TNR: variants seen among roughly 807,000 people sequenced by gnomAD.
TNR encodes tenascin R.
In TNR, 45 loss-of-function variants were observed where a neutral mutation model predicts 150.4. The ratio of observed to expected loss-of-function variants is 0.30; its 90% CI spans 0.24 to 0.38. The LOEUF is 0.38. Among genes scored for constraint, TNR ranks in the 10% least tolerant of loss-of-function variants. The pLI is 1.00. For missense variants in TNR, 1,544 were observed against 1,759.1 expected (o/e 0.88, Z 2.19); for synonymous variants, 687 against 678.4 (o/e 1.01, Z -0.20).
rs1216527204 is a variant in TNR at position 175,403,171 on chromosome 1, T to C, written c.945A>G (p.Glu315=). The C allele has an allele frequency of 9.3e-6, 15 of 1,613,832 alleles. No individual in the cohort carries two copies. The highest frequency in any genetic ancestry group is 1.3e-5 in the Non-Finnish European group (15 of 1,179,868). Residue 315 remains glutamate, a synonymous_variant, in exon 4 of 23, where the codon GAA becomes GAG. Coordinates refer to ENST00000367674, the MANE Select transcript of TNR (RefSeq NM_003285.3). ...AGCAGTCAGGGCCCTGGTAGCCCTC[T>C]TCACAGACGCAGAGCCCCTCCTCAC... ...GQCEEGLCVC[E]EGYQGPDCSA... is the part of the protein sequence containing the mutation.
chr1:175,610,178 A>G (rs1663548823), intron 1 of TNR, among the ~76,000 whole-genome samples: 1 of 152,220 alleles, frequency 6.6e-6, no homozygotes. Flanking sequence ...AATGCAAGAA[A>G]GCCTTCTCAC....
At position 175,712,686 on chromosome 1, in the gene TNR, C is replaced by T. The variant is rs1361343231; in HGVS notation, c.-165+30540G>A. On this transcript the variant is annotated intron_variant, in intron 1 of 22. Transcript: ENST00000367674. ...TAGGTGAGTTCTCAGTCTGAGTTCA[C>T]ATGAGATCACCCACCCTCTCTCTCT... Among the ~76,000 whole-genome samples, 3 of 152,076 alleles carry T rather than the reference C, an allele frequency of 2.0e-5. No homozygotes were observed. In the East Asian group the frequency reaches 5.8e-4, roughly 29 times the overall value.
intron 1 of TNR, among the ~76,000 whole-genome samples, chr1:175,546,452 T>G (rs1335803881): frequency 6.6e-6 from 1 of 152,230 alleles, no homozygotes; most frequent in Non-Finnish European, 1.5e-5. Flanking sequence ...AGATGTCTTC[T>G]GTCCACTGTT....
chr1:175,388,857 C>A (rs1653048268), intron 7 of TNR, among the ~76,000 whole-genome samples: 1 of 152,192 alleles, frequency 6.6e-6, no homozygotes, highest in African/African-American at 2.4e-5. Flanking sequence ...ACTTAAGGAA[C>A]TGCCAAACCA....
chr1:175,608,822 T>A (rs1368816983), intron 1 of TNR, among the ~76,000 whole-genome samples: 1 of 152,232 alleles, frequency 6.6e-6, no homozygotes, highest in African/African-American at 2.4e-5. Flanking sequence ...ACACCAATTT[T>A]AACCTGTGGG....
intron 1 of TNR, among the ~76,000 whole-genome samples, chr1:175,689,789 T>TTC (rs2101917204): frequency 6.6e-6 from 1 of 152,306 alleles, no homozygotes; most frequent in South Asian, 2.1e-4. Context: ...AGGCTGCGTT[T>TTC]TCTCTCTCTC....
At position 175,374,649 on chromosome 1, in the gene TNR, C is replaced by T. The variant is rs1239224316; in HGVS notation, c.1963+4903G>A. ...TATCACATCTGTAGAAACTGTAAAG[C>T]TTCTGGATTTCCTAGGCCCTGTTGG... On this transcript the variant is annotated intron_variant, in intron 9 of 22. Coordinates refer to ENST00000367674, the MANE Select transcript of TNR (RefSeq NM_003285.3). 2.6e-5 allele frequency among the ~76,000 whole-genome samples: 4 copies of T among 152,304 alleles called. No homozygotes were observed. In the East Asian group the frequency reaches 5.8e-4, roughly 22 times the overall value.
At chr1:175,378,953 G>A (rs894714208) in intron 9 of TNR, among the ~76,000 whole-genome samples, 22 of 152,234 alleles carry the variant, frequency 1.4e-4, no homozygotes, top group African/African-American at 5.1e-4. Context: ...GCCGAGGTGG[G>A]CGGATCACCT....
intron 9 of TNR, among the ~76,000 whole-genome samples, chr1:175,374,379 C>T (rs981486099): frequency 3.9e-5 from 6 of 152,090 alleles, no homozygotes; most frequent in East Asian, 1.9e-4. Flanking sequence ...AGTGTGTGTA[C>T]GTGTGAGGGT....
rs770863264 is a variant in TNR, at chr1:175,386,102, T to A, written c.1707A>T (p.Arg569=). 7 of 1,612,654 alleles carry A rather than the reference T, an allele frequency of 4.3e-6. No homozygotes were observed. In the East Asian group the frequency reaches 1.3e-4, roughly 31 times the overall value. ...YSVQALRPGS[R]YEVSVSAVRG... ...GGACGGCACTGACTGACACCTCGTATCGGGAGCCAGGCCGCAGGGCCTGCA... is the reference window on the plus strand; with the variant it reads ...GGACGGCACTGACTGACACCTCGTAACGGGAGCCAGGCCGCAGGGCCTGCA... Residue 569 remains arginine, a synonymous_variant, in exon 8 of 23, where the codon CGA becomes CGT. Coordinates refer to ENST00000367674, the MANE Select transcript of TNR (RefSeq NM_003285.3).
chr1:175,323,553 G>A, intron 22 of TNR, 77 bp from the exon 23 acceptor site: 1 of 1,570,132 alleles, frequency 6.4e-7, no homozygotes, highest in Non-Finnish European at 8.7e-7. Flanking sequence ...GGTAATTATG[G>A]GAACAGGGAA....
In TNR at chr1:175,337,574, T is replaced by G. The variant is rs1650308933; in HGVS notation, c.3488A>C (p.Lys1163Thr). The change falls in exon 19 of 23, where the codon AAA becomes ACA. Residue 1163 changes from lysine (K) to threonine (T), a missense_variant. Physicochemically the swap from Lys to Thr is moderately conservative, Grantham distance 78. Transcript: ENST00000367674. Reference sequence around the variant, plus strand: ...GGTCATATCACAGTACACTTGTAATTTCTGGCTCAGCTCCCCATTGAGGAA... The same window carrying G: ...GGTCATATCACAGTACACTTGTAATGTCTGGCTCAGCTCCCCATTGAGGAA... ...PIFLNGELSQ[K>T]LQVYCDMTTD... The G allele has an allele frequency of 6.2e-7, 1 of 1,614,034 alleles. No homozygotes were observed. The highest frequency in any genetic ancestry group is 8.5e-7 in the Non-Finnish European group (1 of 1,180,034).
intron 1 of TNR, among the ~76,000 whole-genome samples, chr1:175,713,356 T>C (rs1175192404): frequency 6.6e-6 from 1 of 152,232 alleles, no homozygotes. Flanking sequence ...TATCCTTTTT[T>C]TCCCCATTTA....
intron 12 of TNR, among the ~76,000 whole-genome samples, chr1:175,364,433 C>T (rs1651744471): frequency 6.6e-6 from 1 of 151,538 alleles, no homozygotes; most frequent in Non-Finnish European, 1.5e-5. Context: ...ACTACCCAAA[C>T]ATACATATCT....
intron 20 of TNR, among the ~76,000 whole-genome samples, chr1:175,331,067 T>G (rs991724295): frequency 1.7e-4 from 22 of 128,750 alleles, no homozygotes; most frequent in African/African-American, 6.3e-4. Context: ...CTTTCTTTCT[T>G]TCTTTCTTTC....
In TNR at chr1:175,323,262, G is replaced by T; in HGVS notation, c.*95C>A. The T allele has an allele frequency of 6.6e-7, 1 of 1,505,284 alleles. No homozygotes were observed. Among genetic ancestry groups the T allele is most frequent in the Non-Finnish European group, 9.1e-7 (1 of 1,103,812 alleles). The allele number at this position is 1,505,284 out of a possible 1,614,324, so 93.2% of individuals were successfully genotyped here. A position where few individuals can be genotyped will look rare whatever the true frequency, so the allele number is the denominator to read the frequency against. On this transcript the variant is annotated 3_prime_UTR_variant, in exon 23 of 23. Coordinates refer to ENST00000367674, the MANE Select transcript of TNR (RefSeq NM_003285.3). The stretch of plus-strand genomic sequence containing the variant: ...TTCCTTCACATACTCTTAATATGTT[G>T]CAAAACACATTGCTATTACCCTCCC...
At chr1:175,637,580 C>A (rs554143716) in intron 1 of TNR, among the ~76,000 whole-genome samples, 1 of 152,160 alleles carries the variant, frequency 6.6e-6, no homozygotes, top group Non-Finnish European at 1.5e-5. Flanking sequence ...AATCCACAGC[C>A]TGATTAATCA....
At chr1:175,680,746 C>T (rs1297124619) in intron 1 of TNR, among the ~76,000 whole-genome samples, 2 of 152,154 alleles carry the variant, frequency 1.3e-5, no homozygotes, top group Non-Finnish European at 2.9e-5. Flanking sequence ...TAAAGGGGTG[C>T]TATGAGCACG....
At chr1:175,489,697 G>C (rs1334830913) in intron 2 of TNR, among the ~76,000 whole-genome samples, 2 of 152,102 alleles carry the variant, frequency 1.3e-5, no homozygotes, top group African/African-American at 4.8e-5. Flanking sequence ...TGACAGGCTT[G>C]GTGTTTAATA....
Sources: gnomAD v4.1 joint callset for allele counts (sites outside exome capture counted in the v4.1 genomes callset) on GRCh38, gnomAD v4.1.1 for gene constraint, MANE v1.5 for transcripts, NCBI Gene and HGNC (gene_info 2026-07-23, HGNC 2026-07-21) for gene names.